PTPRN2: variants seen among roughly 807,000 people sequenced by gnomAD.
PTPRN2 encodes the protein protein tyrosine phosphatase receptor type N2.
PTPRN2 carries 74 observed loss-of-function variants against 118.8 expected under a neutral mutation model. The ratio of observed to expected loss-of-function variants is 0.62; its 90% CI spans 0.52 to 0.76. PTPRN2 has a LOEUF of 0.76. PTPRN2 is among the 30% of genes least tolerant of loss of function. The pLI, the probability that PTPRN2 is intolerant of heterozygous loss-of-function variation, is 0.00. For synonymous variants in PTPRN2, 641 were observed against 608.0 expected, an observed-to-expected ratio of 1.05 and a Z score of -0.80; for missense variants, 1,481 against 1,394.4, an observed-to-expected ratio of 1.06 and a Z score of -0.99.
Position 158,082,706 on chromosome 7 carries a change from C to T in PTPRN2, c.1644-1329G>A, listed in dbSNP as rs139720647. On this transcript the variant is annotated intron_variant, in intron 10 of 22. Transcript: ENST00000389418. ...ATATCCAGCTAGTCACCAAATTCTGCGGAAACCCTTGGAAAATGCACCATG... is the reference window on the plus strand; with the variant it reads ...ATATCCAGCTAGTCACCAAATTCTGTGGAAACCCTTGGAAAATGCACCATG... Among the ~76,000 whole-genome samples, 42 of 152,350 alleles carry T rather than the reference C, an allele frequency of 2.8e-4. 1 individual carries two copies. In the South Asian group the frequency reaches 7.7e-3, roughly 28 times the overall value.
At chr7:158,114,381 C>T (rs1027133024) in intron 9 of PTPRN2, among the ~76,000 whole-genome samples, 1 of 152,206 alleles carries the variant, frequency 6.6e-6, no homozygotes, top group African/African-American at 2.4e-5. Context: ...TTGGGAACCC[C>T]TTGGCCAAAC....
At chr7:158,155,932 T>C (rs1218665183) in intron 6 of PTPRN2, among the ~76,000 whole-genome samples, 2 of 152,196 alleles carry the variant, frequency 1.3e-5, no homozygotes, top group South Asian at 2.1e-4. Flanking sequence ...TCAGGTAAAT[T>C]CAGTAGGAGC....
intron 6 of PTPRN2, 92 bp from the exon 7 acceptor site, chr7:158,138,607 G>C (rs138411064): frequency 8.2e-7 from 1 of 1,226,270 alleles, no homozygotes; most frequent in East Asian, 2.4e-5. Flanking sequence ...GGGCGTCTGC[G>C]GCGTCCCAAG....
At position 158,414,724 on chromosome 7, in the gene PTPRN2, A is replaced by C. The variant is rs75763277; in HGVS notation, c.163+75011T>G. ...CGCCCTGGCCACATCAATGTGGCTC[A>C]TTCTTCGAGGCTCCACTGAACGCTG... is the stretch of plus-strand genomic sequence containing the variant. On this transcript the variant is annotated intron_variant, in intron 2 of 22. Transcript: ENST00000389418. 1.1e-3 allele frequency among the ~76,000 whole-genome samples: 161 copies of C among 152,342 alleles called. 4 individuals are homozygous for C. The East Asian group carries it at 0.029, about 28-fold the overall frequency.
intron 12 of PTPRN2, among the ~76,000 whole-genome samples, chr7:157,708,207 T>C (rs1320102264): frequency 6.6e-6 from 1 of 152,246 alleles, no homozygotes; most frequent in Non-Finnish European, 1.5e-5. Flanking sequence ...CGTGTGCCTC[T>C]GAGTGTTGCC....
intron 3 of PTPRN2, among the ~76,000 whole-genome samples, chr7:158,214,977 G>T (rs1405844968): frequency 2.0e-4 from 31 of 152,044 alleles, no homozygotes; most frequent in Non-Finnish European, 4.3e-4. Context: ...AAAATAACTG[G>T]TTATACAAAG....
chr7:157,844,183 C>T lies in PTPRN2; in HGVS notation c.1788+54490G>A, dbSNP rs975895920. Among the ~76,000 whole-genome samples the T allele has an allele frequency of 2.0e-5, 3 of 152,322 alleles. No homozygotes were observed. The South Asian group carries it at 6.2e-4, about 32-fold the overall frequency. On this transcript the variant is annotated intron_variant, in intron 12 of 22. Transcript: ENST00000389418. The stretch of plus-strand genomic sequence containing the variant: ...CCTTTTGAACATAGGAGTGTGCAAG[C>T]CCCACACACAGGAGGTGGTGTGCAG...
chr7:157,910,216 T>TA (rs573375400), intron 11 of PTPRN2, among the ~76,000 whole-genome samples: 24 of 151,930 alleles, frequency 1.6e-4, no homozygotes, highest in African/African-American at 5.8e-4. Context: ...ATCACGCACG[T>TA]ACACCGTGGG....
intron 11 of PTPRN2, among the ~76,000 whole-genome samples, chr7:158,002,684 G>T (rs1805355681): frequency 6.6e-6 from 1 of 152,204 alleles, no homozygotes; most frequent in Non-Finnish European, 1.5e-5. Flanking sequence ...GGAATCCTGG[G>T]GCCGGGGCCT....
chr7:158,475,044 A>C (rs1354503350), intron 2 of PTPRN2, among the ~76,000 whole-genome samples: 4 of 152,128 alleles, frequency 2.6e-5, no homozygotes, highest in African/African-American at 4.8e-5. Flanking sequence ...CGAGGGAGGA[A>C]GGTGATCATA....
chr7:157,715,225 C>T (rs1292698780), intron 12 of PTPRN2, among the ~76,000 whole-genome samples: 7 of 152,124 alleles, frequency 4.6e-5, no homozygotes, highest in African/African-American at 1.4e-4. Flanking sequence ...AGGCGGGAGT[C>T]CAGGCCGTGC....
intron 3 of PTPRN2, among the ~76,000 whole-genome samples, chr7:158,303,182 A>AAAAACAAAACAAAAC (rs1274915635): frequency 6.6e-6 from 1 of 151,686 alleles, no homozygotes; most frequent in South Asian, 2.1e-4. Flanking sequence ...AAAAAAAAAA[A>AAAAACAAAACAAAAC]AAATTCTTTG....
At chr7:157,915,696 G>A (rs762070345) in intron 11 of PTPRN2, among the ~76,000 whole-genome samples, 6 of 152,204 alleles carry the variant, frequency 3.9e-5, no homozygotes, top group African/African-American at 7.2e-5. Flanking sequence ...AGGTTTACCC[G>A]GTGTGGAGAA....
At chr7:157,817,636 C>T (rs914277660) in intron 12 of PTPRN2, among the ~76,000 whole-genome samples, 1 of 152,246 alleles carries the variant, frequency 6.6e-6, no homozygotes, top group South Asian at 2.1e-4. Flanking sequence ...ACCCGACCTG[C>T]ACAAAGCAGC....
intron 2 of PTPRN2, among the ~76,000 whole-genome samples, chr7:158,463,644 ATCACCATCATCG>A (rs1027797354): frequency 3.3e-5 from 5 of 151,934 alleles, no homozygotes; most frequent in Non-Finnish European, 5.9e-5. Flanking sequence ...CATCATCATC[ATCACCATCATCG>A]TCATCACCAT....
intron 21 of PTPRN2, among the ~76,000 whole-genome samples, chr7:157,563,670 A>C (rs1192579520): frequency 7.7e-6 from 1 of 130,246 alleles, no homozygotes; most frequent in Non-Finnish European, 1.6e-5. Context: ...GTGCTCCCGC[A>C]TCACCACAGA....
At chr7:158,396,188 C>T (rs914758308) in intron 2 of PTPRN2, among the ~76,000 whole-genome samples, 6 of 152,168 alleles carry the variant, frequency 3.9e-5, no homozygotes, top group Non-Finnish European at 8.8e-5. Context: ...CGGGAGACAG[C>T]GCCCAGCCAG....
chr7:157,547,013 T>A (rs1247902219), intron 22 of PTPRN2, among the ~76,000 whole-genome samples: 1 of 152,178 alleles, frequency 6.6e-6, no homozygotes, highest in Non-Finnish European at 1.5e-5. Flanking sequence ...CTGGGCAAAC[T>A]CACCTGTCTG....
chr7:158,357,923 A>G (rs879391012), intron 2 of PTPRN2, among the ~76,000 whole-genome samples: 11 of 152,214 alleles, frequency 7.2e-5, no homozygotes, highest in Non-Finnish European at 1.3e-4. Flanking sequence ...AAAGTAGGGG[A>G]CACACTTACA....
Sources: gnomAD v4.1 joint callset for allele counts (sites outside exome capture counted in the v4.1 genomes callset) on GRCh38, gnomAD v4.1.1 for gene constraint, MANE v1.5 for transcripts, NCBI Gene and HGNC (gene_info 2026-07-23, HGNC 2026-07-21) for gene names.